The following ERG variants were observed in gnomAD, a reference collection of about 807,000 sequenced individuals.
ERG encodes the protein transcriptional regulator ERG.
Under a neutral mutation model 55.3 loss-of-function variants are expected in ERG, and 9 were observed. The ratio of observed to expected loss-of-function variants is 0.16; its 90% CI spans 0.10 to 0.28. ERG has a LOEUF of 0.28. Ranked by LOEUF, ERG falls within the 10% of genes least tolerant of loss-of-function variation. The pLI is 1.00. For missense variants in ERG, 434 were observed against 631.6 expected, an observed-to-expected ratio of 0.69 and a Z score of 3.35; for synonymous variants, 223 against 237.3, an observed-to-expected ratio of 0.94 and a Z score of 0.55.
At chr21:38,525,925 G>A (rs1196076041) in intron 2 of ERG, among the ~76,000 whole-genome samples, 6 of 152,100 alleles carry the variant, frequency 3.9e-5, no homozygotes, top group Non-Finnish European at 7.4e-5. Flanking sequence ...AAGGCAATAC[G>A]ATTAACAGTG....
intron 1 of ERG, among the ~76,000 whole-genome samples, chr21:38,602,976 G>T (rs2060173672): frequency 6.6e-6 from 1 of 151,884 alleles, no homozygotes; most frequent in East Asian, 1.9e-4. Context: ...CAGGGTCCAG[G>T]CAAGAACAAA....
intron 1 of ERG, among the ~76,000 whole-genome samples, chr21:38,605,211 T>A (rs1298272720): frequency 6.6e-6 from 1 of 152,168 alleles, no homozygotes; most frequent in Non-Finnish European, 1.5e-5. Flanking sequence ...AATACAAAAT[T>A]ATATTAAAAA....
intron 9 of ERG, among the ~76,000 whole-genome samples, chr21:38,387,551 G>C (rs1987755715): frequency 1.3e-5 from 2 of 152,160 alleles, no homozygotes. Flanking sequence ...TGGGGGTGAT[G>C]GTAATAGTAC....
intron 1 of ERG, among the ~76,000 whole-genome samples, chr21:38,470,194 A>G (rs2059126979): frequency 6.6e-6 from 1 of 152,112 alleles, no homozygotes; most frequent in Admixed American, 6.5e-5. Flanking sequence ...CTCTGTCCCA[A>G]TTGTATTAAG....
At chr21:38,484,220 C>T (rs566253834) in intron 1 of ERG, among the ~76,000 whole-genome samples, 1 of 152,290 alleles carries the variant, frequency 6.6e-6, no homozygotes, top group African/African-American at 2.4e-5. Flanking sequence ...CCGCCTCAAC[C>T]TCCCAAAGTG....
At chr21:38,490,282 C>T (rs2059324329) in intron 1 of ERG, among the ~76,000 whole-genome samples, 1 of 152,030 alleles carries the variant, frequency 6.6e-6, no homozygotes, top group Non-Finnish European at 1.5e-5. Flanking sequence ...AAATGCTTTT[C>T]ATAGATTCCC....
rs560768284 is a variant in ERG, at chr21:38,389,185, G to C, written c.919+1810C>G. Among the ~76,000 whole-genome samples, 11 of 152,272 alleles carry C rather than the reference G, an allele frequency of 7.2e-5. No homozygotes were observed. In the East Asian group the frequency reaches 2.1e-3, roughly 29 times the overall value. ...TTCATACTTAGTCAGTGGCAGAGTAGGGCAAGAAAACAAAAGTAGACTTTG... is the reference window on the plus strand; with the variant it reads ...TTCATACTTAGTCAGTGGCAGAGTACGGCAAGAAAACAAAAGTAGACTTTG... On this transcript the variant is annotated intron_variant, in intron 9 of 9. Coordinates refer to ENST00000288319, the MANE Select transcript of ERG (RefSeq NM_182918.4).
intron 3 of ERG, among the ~76,000 whole-genome samples, chr21:38,420,291 TGTGTGTGTGTGC>T (rs1193174467): frequency 8.4e-6 from 1 of 118,778 alleles, no homozygotes; most frequent in African/African-American, 3.9e-5. Flanking sequence ...AATGAAGCTG[TGTGTGTGTGTGC>T]GTGTGTGTGT....
At chr21:38,538,067 C>A (rs2059724643) in intron 2 of ERG, among the ~76,000 whole-genome samples, 1 of 152,086 alleles carries the variant, frequency 6.6e-6, no homozygotes, top group African/African-American at 2.4e-5. Flanking sequence ...AATAAGCCAT[C>A]CACAAAAGGA....
At chr21:38,569,216 G>A (rs908454055) in intron 2 of ERG, among the ~76,000 whole-genome samples, 1 of 152,144 alleles carries the variant, frequency 6.6e-6, no homozygotes, top group Non-Finnish European at 1.5e-5. Context: ...CTAAATGTTT[G>A]TTGAATGAAT....
At chr21:38,464,777 C>T (rs1305728589) in intron 1 of ERG, among the ~76,000 whole-genome samples, 2 of 151,702 alleles carry the variant, frequency 1.3e-5, no homozygotes, top group Admixed American at 1.3e-4. Context: ...CATGTATTCT[C>T]TTGATCATCT....
At chr21:38,367,279 C>T in the ERG span, among the ~76,000 whole-genome samples, 1 of 152,216 alleles carries the variant, frequency 6.6e-6, no homozygotes, top group Admixed American at 6.5e-5. Flanking sequence ...CTATTTATTG[C>T]TGTGTAACAA....
intron 3 of ERG, among the ~76,000 whole-genome samples, chr21:38,416,713 AT>A (rs1384993725): frequency 6.6e-5 from 10 of 152,248 alleles, no homozygotes; most frequent in Admixed American, 6.5e-4. Context: ...AAAATAAAGT[AT>A]GATAACAAAA....
chr21:38,619,590 A>G (rs1296432644), intron 1 of ERG, among the ~76,000 whole-genome samples: 2 of 152,358 alleles, frequency 1.3e-5, no homozygotes, highest in African/African-American at 2.4e-5. Context: ...ATAGCTCAGG[A>G]GGCCCTACAC....
intron 1 of ERG, among the ~76,000 whole-genome samples, chr21:38,492,855 G>A (rs2059348055): frequency 6.6e-6 from 1 of 152,174 alleles, no homozygotes; most frequent in Non-Finnish European, 1.5e-5. Context: ...TGGACCACTA[G>A]CCAAAATGGG....
At chr21:38,581,404 C>T (rs1016331359) in intron 1 of ERG, among the ~76,000 whole-genome samples, 4 of 152,212 alleles carry the variant, frequency 2.6e-5, no homozygotes, top group Non-Finnish European at 5.9e-5. Context: ...TTGCCCTTGT[C>T]TCTCGTTTCT....
At chr21:38,461,410 T>A (rs2059041329) in intron 1 of ERG, among the ~76,000 whole-genome samples, 1 of 152,226 alleles carries the variant, frequency 6.6e-6, no homozygotes, top group African/African-American at 2.4e-5. Context: ...CACTCTGAGG[T>A]CCTGGGGGTT....
intron 5 of ERG, among the ~76,000 whole-genome samples, chr21:38,401,557 C>T: frequency 6.6e-6 from 1 of 152,188 alleles, no homozygotes; most frequent in East Asian, 1.9e-4. Flanking sequence ...GGGACTCACT[C>T]ACATTTTATA....
chr21:38,588,677 G>A (rs1209106503), upstream of ERG, among the ~76,000 whole-genome samples: 1 of 152,138 alleles, frequency 6.6e-6, no homozygotes, highest in Non-Finnish European at 1.5e-5. Flanking sequence ...ATGAGAAGGG[G>A]TTGCTGATGG....
Sources: gnomAD v4.1 joint callset for allele counts (sites outside exome capture counted in the v4.1 genomes callset) on GRCh38, gnomAD v4.1.1 for gene constraint, MANE v1.5 for transcripts, NCBI Gene and HGNC (gene_info 2026-07-23, HGNC 2026-07-21) for gene names.